WWOX: variants seen among roughly 807,000 people sequenced by gnomAD.
The protein encoded by WWOX is WW domain containing oxidoreductase.
WWOX carries 69 observed loss-of-function variants against 46.2 expected under a neutral mutation model. That is an observed-to-expected ratio of 1.49 (90% CI 1.23 to 1.82). WWOX has a LOEUF of 1.82. Among genes scored for constraint, WWOX ranks in the 40% most tolerant of loss-of-function variants. The probability of loss-of-function intolerance (pLI) is 0.00; values close to 1 mark genes in which losing one functional copy is unlikely to be tolerated. For missense variants in WWOX, 919 were observed against 542.6 expected (o/e 1.69, Z -6.89); for synonymous variants, 359 against 202.6 (o/e 1.77, Z -6.56).
intron 8 of WWOX, among the ~76,000 whole-genome samples, chr16:78,480,184 A>C (rs552270037): frequency 6.6e-6 from 1 of 152,204 alleles, no homozygotes; most frequent in African/African-American, 2.4e-5. Flanking sequence ...GCTCTGAAAT[A>C]GCAGCCACAT....
At chr16:78,151,159 G>A (rs183151119) in intron 4 of WWOX, among the ~76,000 whole-genome samples, 1 of 151,916 alleles carries the variant, frequency 6.6e-6, no homozygotes, top group African/African-American at 2.4e-5. Flanking sequence ...TTACAGGCAT[G>A]AGACCCCATG....
chr16:78,706,252 C>G (rs2048326699), intron 8 of WWOX, among the ~76,000 whole-genome samples: 2 of 152,022 alleles, frequency 1.3e-5, no homozygotes. Context: ...CCTTATTTGA[C>G]CCATATAAAC....
intron 8 of WWOX, among the ~76,000 whole-genome samples, chr16:79,168,963 A>C (rs1032516171): frequency 6.6e-6 from 1 of 152,230 alleles, no homozygotes; most frequent in Non-Finnish European, 1.5e-5. Flanking sequence ...AAACTGGCCC[A>C]CTGTAAAAAT....
intron 5 of WWOX, among the ~76,000 whole-genome samples, chr16:78,183,076 C>T (rs1008147558): frequency 2.6e-5 from 4 of 151,982 alleles, no homozygotes; most frequent in Non-Finnish European, 5.9e-5. Flanking sequence ...TGATTGTTTG[C>T]CTGTAGGTCT....
intron 8 of WWOX, among the ~76,000 whole-genome samples, chr16:79,054,349 T>C (rs1194402641): frequency 6.6e-6 from 1 of 152,206 alleles, no homozygotes; most frequent in Non-Finnish European, 1.5e-5. Context: ...TTACTTGATA[T>C]TTCAGGAATT....
At chr16:79,033,312 A>G (rs2047802144) in intron 8 of WWOX, among the ~76,000 whole-genome samples, 1 of 148,492 alleles carries the variant, frequency 6.7e-6, no homozygotes, top group South Asian at 2.1e-4. Flanking sequence ...GTATATATGT[A>G]TGTATAGAGA....
At chr16:78,539,202 TA>T (rs2043828837) in intron 8 of WWOX, among the ~76,000 whole-genome samples, 1 of 152,218 alleles carries the variant, frequency 6.6e-6, no homozygotes, top group African/African-American at 2.4e-5. Flanking sequence ...AATTGCTCAA[TA>T]AATATGTGTT....
intron 4 of WWOX, among the ~76,000 whole-genome samples, chr16:78,141,027 C>A (rs1567594461): frequency 6.6e-6 from 1 of 152,190 alleles, no homozygotes; most frequent in Non-Finnish European, 1.5e-5. Context: ...AGCTTACTTT[C>A]TTATGGAGCA....
intron 8 of WWOX, among the ~76,000 whole-genome samples, chr16:78,935,799 C>T (rs976901814): frequency 2.0e-5 from 3 of 152,018 alleles, no homozygotes; most frequent in African/African-American, 4.8e-5. Context: ...TGTACCCCAG[C>T]TACTTGGGAG....
chr16:78,239,605 G>T (rs2037563755), intron 5 of WWOX, among the ~76,000 whole-genome samples: 1 of 152,092 alleles, frequency 6.6e-6, no homozygotes, highest in African/African-American at 2.4e-5. Flanking sequence ...CGCGATCTTG[G>T]CTCACTGCAA....
intron 5 of WWOX, among the ~76,000 whole-genome samples, chr16:78,218,715 G>T (rs2036799724): frequency 6.6e-6 from 1 of 152,192 alleles, no homozygotes; most frequent in African/African-American, 2.4e-5. Flanking sequence ...CGACTTTGGG[G>T]CCAGGGCCCT....
chr16:78,730,721 A>G (rs766467209), intron 8 of WWOX, among the ~76,000 whole-genome samples: 1 of 150,760 alleles, frequency 6.6e-6, no homozygotes, highest in Non-Finnish European at 1.5e-5. Flanking sequence ...TATCCTCCCA[A>G]AGTGCTGGGA....
intron 8 of WWOX, among the ~76,000 whole-genome samples, chr16:78,578,983 G>A (rs1253045624): frequency 6.6e-6 from 1 of 152,174 alleles, no homozygotes; most frequent in Admixed American, 6.5e-5. Context: ...CACCACAAAA[G>A]AGGCAGTAAC....
intron 5 of WWOX, among the ~76,000 whole-genome samples, chr16:78,189,595 C>G (rs1251379481): frequency 6.6e-6 from 1 of 152,256 alleles, no homozygotes; most frequent in South Asian, 2.1e-4. Context: ...TAGTTAACAG[C>G]CAGTGGCTAT....
chr16:78,798,123 G>C (rs1036083523), intron 8 of WWOX, among the ~76,000 whole-genome samples: 5 of 152,162 alleles, frequency 3.3e-5, no homozygotes, highest in Admixed American at 2.6e-4. Flanking sequence ...TGTTATATAG[G>C]GAGCAAAGGA....
chr16:78,941,219 G>A (rs955923804), intron 8 of WWOX, among the ~76,000 whole-genome samples: 1 of 152,208 alleles, frequency 6.6e-6, no homozygotes, highest in African/African-American at 2.4e-5. Flanking sequence ...ATGTAGTGGA[G>A]AGCGTGTTCA....
At chr16:78,776,726 A>G (rs1219810780) in intron 8 of WWOX, among the ~76,000 whole-genome samples, 1 of 152,170 alleles carries the variant, frequency 6.6e-6, no homozygotes, top group Non-Finnish European at 1.5e-5. Context: ...CAGAAAACTT[A>G]CGATCATGGT....
At chr16:78,658,166 A>T (rs1249404171) in intron 8 of WWOX, among the ~76,000 whole-genome samples, 1 of 152,158 alleles carries the variant, frequency 6.6e-6, no homozygotes, top group African/African-American at 2.4e-5. Context: ...ACATTTGTAG[A>T]TACTGCCAGA....
chr16:78,884,827 A>G (rs1281061369), intron 8 of WWOX, among the ~76,000 whole-genome samples: 2 of 152,228 alleles, frequency 1.3e-5, no homozygotes, highest in Non-Finnish European at 1.5e-5. Context: ...CAAAAAGTTC[A>G]TGGACAAATA....
Sources: allele counts gnomAD v4.1 joint callset (sites outside exome capture counted in the v4.1 genomes callset), GRCh38; gene constraint gnomAD v4.1.1; transcripts MANE v1.5; gene names NCBI Gene and HGNC (gene_info 2026-07-23, HGNC 2026-07-21).